AGBL1: variants seen among roughly 807,000 people sequenced by gnomAD.
AGBL1 encodes AGBL carboxypeptidase 1.
In AGBL1, 130 loss-of-function variants were observed where a neutral mutation model predicts 118.9. The observed-to-expected ratio is 1.09, with a 90% CI of 0.95 to 1.26. The LOEUF (loss-of-function observed/expected upper bound fraction) is 1.26. Among genes scored for constraint, AGBL1 ranks in the 50% most tolerant of loss-of-function variants. The probability of loss-of-function intolerance (pLI) is 0.00; values close to 1 mark genes in which losing one functional copy is unlikely to be tolerated. For missense variants in AGBL1, 1,584 were observed against 1,298.1 expected, an observed-to-expected ratio of 1.22 and a Z score of -3.38; for synonymous variants, 555 against 478.9, an observed-to-expected ratio of 1.16 and a Z score of -2.08.
At chr15:86,334,765 T>A (rs1419207184) in intron 17 of AGBL1, among the ~76,000 whole-genome samples, 5 of 152,126 alleles carry the variant, frequency 3.3e-5, no homozygotes, top group Non-Finnish European at 5.9e-5. Flanking sequence ...CTAACTATAC[T>A]ATAAGGCTAC....
intron 3 of AGBL1, among the ~76,000 whole-genome samples, chr15:86,147,455 T>TGGCAGA (rs2077047985): frequency 6.6e-6 from 1 of 152,184 alleles, no homozygotes; most frequent in Non-Finnish European, 1.5e-5. Flanking sequence ...ACAATGTAAT[T>TGGCAGA]CTCTCCTGTG....
chr15:86,893,177 T>G (rs1221397609), intron 22 of AGBL1, among the ~76,000 whole-genome samples: 1 of 152,114 alleles, frequency 6.6e-6, no homozygotes, highest in Non-Finnish European at 1.5e-5. Context: ...GCTCAGCTTT[T>G]TCAGGAGGGA....
At chr15:86,135,333 G>A (rs1210085658) in intron 1 of AGBL1, among the ~76,000 whole-genome samples, 7 of 152,186 alleles carry the variant, frequency 4.6e-5, no homozygotes. Flanking sequence ...TGTACAGCCT[G>A]CAGAACGTGA....
intron 6 of AGBL1, among the ~76,000 whole-genome samples, chr15:86,243,561 A>C (rs1487867610): frequency 3.3e-5 from 5 of 152,292 alleles, no homozygotes; most frequent in South Asian, 4.1e-4. Flanking sequence ...TACCTTCAGC[A>C]TGAGGCTGGC....
At chr15:86,215,579 G>GTTAAGTACT (rs1172135422) in intron 5 of AGBL1, among the ~76,000 whole-genome samples, 21 of 152,164 alleles carry the variant, frequency 1.4e-4, no homozygotes, top group African/African-American at 5.1e-4. Context: ...ACCTGACATT[G>GTTAAGTACT]CAGTGAGACA....
intron 22 of AGBL1, among the ~76,000 whole-genome samples, chr15:86,889,725 C>G (rs1240422896): frequency 3.3e-5 from 5 of 152,140 alleles, no homozygotes; most frequent in Admixed American, 3.3e-4. Context: ...AGGACATGAT[C>G]TCATTCCTTT....
chr15:86,840,028 G>A (rs1423317606), intron 22 of AGBL1, among the ~76,000 whole-genome samples: 2 of 152,094 alleles, frequency 1.3e-5, no homozygotes, highest in Non-Finnish European at 2.9e-5. Context: ...ATTTTCCTCA[G>A]TTACATGGAG....
At chr15:86,840,186 A>T (rs2079225118) in intron 22 of AGBL1, among the ~76,000 whole-genome samples, 1 of 152,218 alleles carries the variant, frequency 6.6e-6, no homozygotes, top group African/African-American at 2.4e-5. Flanking sequence ...GTTTGTCAAC[A>T]TAGGGTACAG....
At chr15:86,496,649 A>G (rs8028754) in intron 18 of AGBL1, among the ~76,000 whole-genome samples, 14,153 of 151,870 alleles carry the variant, frequency 0.093, 2,287 homozygotes, top group African/African-American at 0.32. Flanking sequence ...CTTTTTAACA[A>G]TGTATTTTTT....
intron 1 of AGBL1, among the ~76,000 whole-genome samples, chr15:86,136,572 C>G (rs924058177): frequency 6.6e-6 from 1 of 152,170 alleles, no homozygotes; most frequent in African/African-American, 2.4e-5. Context: ...TTAACATATG[C>G]TACAAAGAGT....
intron 21 of AGBL1, among the ~76,000 whole-genome samples, chr15:86,598,859 A>C (rs573089005): frequency 6.6e-6 from 1 of 152,170 alleles, no homozygotes; most frequent in Non-Finnish European, 1.5e-5. Context: ...TGAATTGTCA[A>C]TGTAAGGATG....
intron 17 of AGBL1, among the ~76,000 whole-genome samples, chr15:86,381,634 G>A (rs541192486): frequency 6.6e-5 from 10 of 152,260 alleles, no homozygotes; most frequent in African/African-American, 2.4e-4. Flanking sequence ...ACAGGCACAG[G>A]AGAACTTAAT....
chr15:86,624,037 A>T (rs993664162), intron 21 of AGBL1, among the ~76,000 whole-genome samples: 1 of 152,230 alleles, frequency 6.6e-6, no homozygotes, highest in Non-Finnish European at 1.5e-5. Context: ...AAGAATAGAG[A>T]TTGAGAGGAA....
At chr15:86,226,369 CCT>C (rs2078362994) in intron 6 of AGBL1, among the ~76,000 whole-genome samples, 1 of 152,082 alleles carries the variant, frequency 6.6e-6, no homozygotes, top group African/African-American at 2.4e-5. Flanking sequence ...GAATGTCATG[CCT>C]TGGGAAAGAA....
intron 1 of AGBL1, among the ~76,000 whole-genome samples, chr15:86,122,402 T>C (rs1243685312): frequency 6.6e-6 from 1 of 152,164 alleles, no homozygotes; most frequent in Admixed American, 6.5e-5. Flanking sequence ...TTAATTCTAC[T>C]CCTTCTTCTC....
At chr15:86,997,966 CT>C (rs1485296154) in intron 24 of AGBL1, among the ~76,000 whole-genome samples, 1 of 150,754 alleles carries the variant, frequency 6.6e-6, no homozygotes, top group African/African-American at 2.4e-5. Context: ...TATATATTTA[CT>C]TTCTTATACT....
intron 19 of AGBL1, among the ~76,000 whole-genome samples, chr15:86,544,672 C>T (rs1357858118): frequency 6.6e-6 from 1 of 152,096 alleles, no homozygotes; most frequent in Non-Finnish European, 1.5e-5. Context: ...AACAGCATGG[C>T]AAAGACCTAC....
intron 22 of AGBL1, among the ~76,000 whole-genome samples, chr15:86,719,036 C>T (rs72763987): frequency 0.22 from 33,849 of 152,000 alleles, 4,372 homozygotes; most frequent in South Asian, 0.36. Flanking sequence ...CAGTAGTCTC[C>T]CTTTTCTCTC....
At chr15:86,619,028 T>C (rs16977847) in intron 21 of AGBL1, among the ~76,000 whole-genome samples, 34,494 of 151,518 alleles carry the variant, frequency 0.23, 4,033 homozygotes, top group Admixed American at 0.28. Flanking sequence ...TTCAGAAAAT[T>C]TCGTAGGCCC....
Sources: gnomAD v4.1 joint callset for allele counts (sites outside exome capture counted in the v4.1 genomes callset) on GRCh38, gnomAD v4.1.1 for gene constraint, MANE v1.5 for transcripts, NCBI Gene and HGNC (gene_info 2026-07-23, HGNC 2026-07-21) for gene names.